EPB41: variants seen among roughly 807,000 people sequenced by gnomAD.
EPB41 encodes erythrocyte membrane protein band 4.1.
Under a neutral mutation model 108.0 loss-of-function variants are expected in EPB41, and 65 were observed. The ratio of observed to expected loss-of-function variants is 0.60; its 90% CI spans 0.49 to 0.74. The LOEUF is 0.74. EPB41 is among the 30% of genes least tolerant of loss of function. The pLI, the probability that EPB41 is intolerant of heterozygous loss-of-function variation, is 0.00. For synonymous variants in EPB41, 336 were observed against 358.9 expected (o/e 0.94, Z 0.72); for missense variants, 875 against 1,037.0 (o/e 0.84, Z 2.15).
chr1:28,902,442 A>T, intron 1 of EPB41: 1 of 943,616 alleles, frequency 1.1e-6, no homozygotes, highest in Non-Finnish European at 1.3e-6. Flanking sequence ...AGCAGAAATC[A>T]TAGCAGAGAG....
chr1:29,027,336 A>ATTT (rs200392956), intron 7 of EPB41, among the ~76,000 whole-genome samples: 1 of 140,680 alleles, frequency 7.1e-6, no homozygotes. Context: ...GTCTCTCAAC[A>ATTT]TTTTTTTTTT....
intron 1 of EPB41, among the ~76,000 whole-genome samples, chr1:28,939,260 G>A (rs1057082080): frequency 6.6e-6 from 1 of 151,974 alleles, no homozygotes; most frequent in Non-Finnish European, 1.5e-5. Flanking sequence ...ATGATCATGT[G>A]GATTTTGTCT....
chr1:28,994,807 T>C (rs2096124935), intron 3 of EPB41, among the ~76,000 whole-genome samples: 1 of 150,392 alleles, frequency 6.6e-6, no homozygotes, highest in African/African-American at 2.5e-5. Flanking sequence ...TACAGGCACA[T>C]ACCATCACAC....
intron 1 of EPB41, among the ~76,000 whole-genome samples, chr1:28,981,062 C>T (rs900710367): frequency 1.3e-5 from 2 of 152,138 alleles, no homozygotes; most frequent in African/African-American, 4.8e-5. Context: ...CGTGAGCCAC[C>T]GTGCCTGTCC....
intron 11 of EPB41, among the ~76,000 whole-genome samples, chr1:29,047,416 A>ATT (rs34287796): frequency 2.2e-5 from 3 of 133,866 alleles, no homozygotes; most frequent in African/African-American, 5.4e-5. Context: ...CGCCTGGCTA[A>ATT]TTTTTTTTTT....
At chr1:29,071,588 A>G (rs1210728219) in intron 16 of EPB41, 7 of 152,184 alleles carry the variant, frequency 4.6e-5, no homozygotes, top group East Asian at 1.9e-4. Flanking sequence ...GTTGAAATCA[A>G]TTGTTTTTAA....
At chr1:28,940,277 A>C (rs1391782438) in intron 1 of EPB41, among the ~76,000 whole-genome samples, 1 of 152,260 alleles carries the variant, frequency 6.6e-6, no homozygotes, top group Non-Finnish European at 1.5e-5. Context: ...CTAACGTTAA[A>C]ATATACGAAA....
chr1:28,951,093 C>T (rs2094700845), intron 1 of EPB41, among the ~76,000 whole-genome samples: 1 of 152,154 alleles, frequency 6.6e-6, no homozygotes, highest in South Asian at 2.1e-4. Flanking sequence ...CCTCAGCCTC[C>T]CAAAGTGCTG....
chr1:28,890,615 T>A (rs879543528), intron 1 of EPB41, among the ~76,000 whole-genome samples: 1 of 152,246 alleles, frequency 6.6e-6, no homozygotes, highest in Non-Finnish European at 1.5e-5. Flanking sequence ...CCGTGTTCTC[T>A]AATCATAATT....
chr1:29,066,598 G>A (rs1355198821), intron 16 of EPB41, among the ~76,000 whole-genome samples: 1 of 152,110 alleles, frequency 6.6e-6, no homozygotes, highest in African/African-American at 2.4e-5. Context: ...TAAAAATTAT[G>A]TGCTTGTTTT....
At chr1:28,934,632 G>A (rs1044312592) in intron 1 of EPB41, among the ~76,000 whole-genome samples, 4 of 145,782 alleles carry the variant, frequency 2.7e-5, no homozygotes, top group South Asian at 2.3e-4. Context: ...TGGCCATCAG[G>A]TGCTCTTTTG....
chr1:29,021,783 C>T (rs896001339), intron 7 of EPB41, among the ~76,000 whole-genome samples: 6 of 152,030 alleles, frequency 3.9e-5, no homozygotes, highest in South Asian at 2.1e-4. Flanking sequence ...AAGGTTTCAC[C>T]GTGTTAGCCA....
At chr1:29,055,862 A>C (rs1343598228) in intron 12 of EPB41, among the ~76,000 whole-genome samples, 1 of 133,004 alleles carries the variant, frequency 7.5e-6, no homozygotes, top group African/African-American at 2.9e-5. Flanking sequence ...TGGGAGGCAG[A>C]GGTTGCAGTG....
At chr1:28,892,690 ACT>A (rs2090251231) in intron 1 of EPB41, among the ~76,000 whole-genome samples, 1 of 151,924 alleles carries the variant, frequency 6.6e-6, no homozygotes, top group African/African-American at 2.4e-5. Context: ...CAAGAGGGAA[ACT>A]CTGTCTCAAA....
intron 11 of EPB41, among the ~76,000 whole-genome samples, chr1:29,042,727 C>A (rs2150506030): frequency 6.6e-6 from 1 of 152,144 alleles, no homozygotes. Context: ...AATCTGCCTG[C>A]CTCAGCCTCC....
At chr1:28,929,729 C>T (rs898187124) in intron 1 of EPB41, among the ~76,000 whole-genome samples, 1 of 148,388 alleles carries the variant, frequency 6.7e-6, no homozygotes, top group Non-Finnish European at 1.5e-5. Context: ...CGGGGTTTAT[C>T]CATGTTGGTC....
At chr1:29,000,323 C>T (rs892488328) in intron 4 of EPB41, among the ~76,000 whole-genome samples, 1 of 152,224 alleles carries the variant, frequency 6.6e-6, no homozygotes, top group African/African-American at 2.4e-5. Context: ...TGGTCTCGAA[C>T]TCCTGACCTC....
chr1:28,985,046 C>T (rs1278215342), intron 1 of EPB41, among the ~76,000 whole-genome samples: 1 of 152,024 alleles, frequency 6.6e-6, no homozygotes, highest in East Asian at 1.9e-4. Flanking sequence ...CTCACCACAA[C>T]CTCCGCCTCC....
At chr1:29,098,321 A>G (rs922024909) in intron 17 of EPB41, among the ~76,000 whole-genome samples, 1 of 151,622 alleles carries the variant, frequency 6.6e-6, no homozygotes, top group Admixed American at 6.6e-5. Flanking sequence ...CAGCCTCCCG[A>G]GTAGCTGGGA....
Sources: allele counts gnomAD v4.1 joint callset (sites outside exome capture counted in the v4.1 genomes callset), GRCh38; gene constraint gnomAD v4.1.1; transcripts MANE v1.5; gene names NCBI Gene and HGNC (gene_info 2026-07-23, HGNC 2026-07-21).